Variants in CALN1 observed in about 807,000 individuals in gnomAD.
CALN1 encodes calcium-binding protein 8.
Under a neutral mutation model 30.6 loss-of-function variants are expected in CALN1, and 17 were observed. That is an observed-to-expected ratio of 0.56 (90% CI 0.38 to 0.83). CALN1 has a LOEUF of 0.83. Ranked by LOEUF, CALN1 falls within the 40% of genes least tolerant of loss-of-function variation. CALN1 has a pLI of 0.00. For synonymous variants in CALN1, 156 were observed against 131.4 expected, an observed-to-expected ratio of 1.19 and a Z score of -1.28; for missense variants, 291 against 354.9, an observed-to-expected ratio of 0.82 and a Z score of 1.45.
At chr7:72,345,009 A>C (rs1210783075) in intron 2 of CALN1, among the ~76,000 whole-genome samples, 1 of 147,940 alleles carries the variant, frequency 6.8e-6, no homozygotes, top group Non-Finnish European at 1.5e-5. Flanking sequence ...ATAATACATT[A>C]TATATGTACA....
chr7:72,061,087 C>T (rs1328397587), intron 4 of CALN1, among the ~76,000 whole-genome samples: 2 of 152,172 alleles, frequency 1.3e-5, no homozygotes, highest in Non-Finnish European at 2.9e-5. Flanking sequence ...GAACAGACCA[C>T]AATCCAAAGA....
At chr7:71,916,817 A>G (rs1476203539) in intron 5 of CALN1, among the ~76,000 whole-genome samples, 2 of 152,120 alleles carry the variant, frequency 1.3e-5, no homozygotes, top group Non-Finnish European at 2.9e-5. Context: ...TTGAAGAAGC[A>G]AGAAAAAAAA....
intron 2 of CALN1, among the ~76,000 whole-genome samples, chr7:72,352,758 G>A (rs1042556789): frequency 4.6e-5 from 7 of 151,860 alleles, no homozygotes; most frequent in Non-Finnish European, 5.9e-5. Flanking sequence ...AACAAATTAA[G>A]TTGAAAGAAA....
intron 2 of CALN1, among the ~76,000 whole-genome samples, chr7:72,296,355 T>TA (rs1798855083): frequency 7.2e-6 from 1 of 138,946 alleles, no homozygotes; most frequent in African/African-American, 2.6e-5. Context: ...CCGGCTTTGG[T>TA]ATCAGAATGA....
intron 2 of CALN1, among the ~76,000 whole-genome samples, chr7:72,345,884 T>C (rs1225589289): frequency 6.6e-6 from 1 of 152,186 alleles, no homozygotes; most frequent in Non-Finnish European, 1.5e-5. Context: ...GCCACTATAA[T>C]TTTTTAAATA....
intron 5 of CALN1, among the ~76,000 whole-genome samples, chr7:71,857,729 G>A (rs1221319552): frequency 6.6e-6 from 1 of 152,132 alleles, no homozygotes; most frequent in Non-Finnish European, 1.5e-5. Context: ...AAATTAAATT[G>A]TTCAATTTAT....
chr7:72,329,508 G>A (rs1043723987), intron 2 of CALN1, among the ~76,000 whole-genome samples: 33 of 152,164 alleles, frequency 2.2e-4, no homozygotes, highest in African/African-American at 7.7e-4. Context: ...TGCCACACCA[G>A]TCTCCTTCCT....
chr7:72,390,043 A>G (rs1190667675), intron 2 of CALN1, among the ~76,000 whole-genome samples: 1 of 152,066 alleles, frequency 6.6e-6, no homozygotes, highest in Non-Finnish European at 1.5e-5. Context: ...GATGAGTTCT[A>G]TGGGCTGGCT....
At chr7:72,459,020 T>C in the CALN1 span, among the ~76,000 whole-genome samples, 1 of 151,188 alleles carries the variant, frequency 6.6e-6, no homozygotes, top group African/African-American at 2.4e-5. Flanking sequence ...CAAGTGATTC[T>C]CCTGCCTCAG....
intron 5 of CALN1, among the ~76,000 whole-genome samples, chr7:71,835,092 C>T (rs1348086102): frequency 2.0e-5 from 3 of 152,162 alleles, no homozygotes; most frequent in East Asian, 1.9e-4. Context: ...TCCTGCCTTG[C>T]TCTCCCAATG....
chr7:72,369,359 T>TTTTTTGTTGTTGTTGTTG (rs3030372), intron 2 of CALN1, among the ~76,000 whole-genome samples: 11 of 146,714 alleles, frequency 7.5e-5, no homozygotes, highest in African/African-American at 2.8e-4. Context: ...TATTTATTTT[T>TTTTTTGTTGTTGTTGTTG]TTGTTGTTGT....
chr7:72,209,206 C>CTCTT (rs1562739621), intron 3 of CALN1, among the ~76,000 whole-genome samples: 13 of 125,478 alleles, frequency 1.0e-4, no homozygotes, highest in African/African-American at 4.2e-4. Context: ...CCCTCCTTCC[C>CTCTT]TCCTTCCTTC....
the CALN1 span, among the ~76,000 whole-genome samples, chr7:72,499,225 T>C: frequency 5.9e-5 from 9 of 152,208 alleles, no homozygotes; most frequent in Admixed American, 2.6e-4. Flanking sequence ...GAGACGAGGT[T>C]TCACCATGTT....
At chr7:71,965,565 TAACAACA>T (rs1038434861) in intron 5 of CALN1, among the ~76,000 whole-genome samples, 2 of 147,696 alleles carry the variant, frequency 1.4e-5, no homozygotes, top group African/African-American at 4.9e-5. Flanking sequence ...TGAAAAACAG[TAACAACA>T]AACAAACAAA....
intron 2 of CALN1, chr7:72,336,623 C>G: frequency 1.1e-6 from 1 of 930,248 alleles, no homozygotes; most frequent in Non-Finnish European, 1.3e-6. Context: ...GTTTGGACAC[C>G]CTAGAGAGAA....
intron 3 of CALN1, among the ~76,000 whole-genome samples, chr7:72,242,385 T>C (rs747128909): frequency 6.6e-6 from 1 of 152,210 alleles, no homozygotes; most frequent in Non-Finnish European, 1.5e-5. Context: ...GGTAACTTTA[T>C]GTTTGGGTTT....
At chr7:72,071,113 C>G (rs1426826471) in intron 4 of CALN1, among the ~76,000 whole-genome samples, 2 of 152,222 alleles carry the variant, frequency 1.3e-5, no homozygotes, top group East Asian at 3.8e-4. Context: ...CAGTTAATTT[C>G]CATCAATTTC....
chr7:72,184,374 C>T (rs763991230), intron 3 of CALN1, among the ~76,000 whole-genome samples: 1 of 152,142 alleles, frequency 6.6e-6, no homozygotes, highest in Non-Finnish European at 1.5e-5. Flanking sequence ...AGTAATACTA[C>T]CCTCTCTCAT....
intron 3 of CALN1, among the ~76,000 whole-genome samples, chr7:72,125,263 C>T (rs1323172247): frequency 6.6e-6 from 1 of 152,202 alleles, no homozygotes; most frequent in Non-Finnish European, 1.5e-5. Flanking sequence ...GATCCGCCTG[C>T]CTCAGCCTCC....
Sources: gnomAD v4.1 joint callset for allele counts (sites outside exome capture counted in the v4.1 genomes callset) on GRCh38, gnomAD v4.1.1 for gene constraint, MANE v1.5 for transcripts, NCBI Gene and HGNC (gene_info 2026-07-23, HGNC 2026-07-21) for gene names.